The following TCEANC2 variants were observed in gnomAD, a reference collection of about 807,000 sequenced individuals.
TCEANC2 encodes transcription elongation factor A N-terminal and central domain-containing protein 2.
TCEANC2 carries 20 observed loss-of-function variants against 22.8 expected under a neutral mutation model. The observed-to-expected ratio is 0.88, with a 90% CI of 0.62 to 1.28. The LOEUF (loss-of-function observed/expected upper bound fraction) is 1.28. Among genes scored for constraint, TCEANC2 ranks in the 50% most tolerant of loss-of-function variants. The pLI, the probability that TCEANC2 is intolerant of heterozygous loss-of-function variation, is 0.00. For missense variants in TCEANC2, 251 were observed against 249.7 expected (o/e 1.01, Z -0.03); for synonymous variants, 84 against 95.5 (o/e 0.88, Z 0.70).
At chr1:54,073,244 G>A (rs1157800642) in intron 3 of TCEANC2, among the ~76,000 whole-genome samples, 3 of 152,250 alleles carry the variant, frequency 2.0e-5, no homozygotes, top group African/African-American at 7.2e-5. Context: ...TGGGATGAGA[G>A]GCATGAGCCA....
At chr1:54,073,132 A>G (rs912828713) in intron 3 of TCEANC2, among the ~76,000 whole-genome samples, 7 of 151,950 alleles carry the variant, frequency 4.6e-5, no homozygotes, top group Admixed American at 6.6e-5. Context: ...TGCCTGGATC[A>G]TTTGTTTAAT....
chr1:54,102,443 C>A lies in TCEANC2; in HGVS notation c.*5970C>A, dbSNP rs893849765. ...CTACAGGGTTCTGGTAGAGACAGAT[C>A]ATCAGACCATGGATCATCAAGTTGA... On this transcript the variant is annotated 3_prime_UTR_variant, in exon 5 of 5. Coordinates refer to ENST00000234827, the MANE Select transcript of TCEANC2 (RefSeq NM_153035.3). The A allele has an allele frequency of 6.6e-6, 1 of 152,220 alleles. No individual in the cohort carries two copies. The highest frequency in any genetic ancestry group is 2.4e-5 in the African/African-American group (1 of 41,448). The allele number at this position is 152,220 out of a possible 1,614,324, so 9.4% of individuals were successfully genotyped here. A position where few individuals can be genotyped will look rare whatever the true frequency, so the allele number is the denominator to read the frequency against.
intron 2 of TCEANC2, among the ~76,000 whole-genome samples, chr1:54,064,574 G>A (rs551945061): frequency 1.3e-5 from 2 of 150,354 alleles, no homozygotes; most frequent in South Asian, 4.5e-4. Flanking sequence ...AAGTTACAAA[G>A]TTACACCCTA....
At chr1:54,062,528 G>A (rs1657877910) in intron 2 of TCEANC2, among the ~76,000 whole-genome samples, 1 of 152,190 alleles carries the variant, frequency 6.6e-6, no homozygotes, top group Non-Finnish European at 1.5e-5. Context: ...GGGATAGTGA[G>A]ATAAATGAGA....
intron 2 of TCEANC2, 92 bp downstream of exon 2, chr1:54,054,616 T>A: frequency 7.8e-7 from 1 of 1,276,654 alleles, no homozygotes; most frequent in Non-Finnish European, 1.1e-6. Context: ...TATGAATTAT[T>A]TCTTGTTATG....
intron 2 of TCEANC2, among the ~76,000 whole-genome samples, chr1:54,060,124 G>A (rs1215106338): frequency 6.6e-6 from 1 of 151,954 alleles, no homozygotes; most frequent in African/African-American, 2.4e-5. Context: ...AAAAAAATTA[G>A]CAGCCAGGCG....
intron 2 of TCEANC2, among the ~76,000 whole-genome samples, chr1:54,055,908 ATTG>A (rs1657743799): frequency 6.6e-6 from 1 of 152,274 alleles, no homozygotes; most frequent in Admixed American, 6.5e-5. Context: ...AAGGGGTGCT[ATTG>A]TTGTATGGGG....
intron 3 of TCEANC2, among the ~76,000 whole-genome samples, chr1:54,079,848 T>C (rs1010995099): frequency 1.3e-5 from 2 of 152,216 alleles, no homozygotes; most frequent in Non-Finnish European, 2.9e-5. Context: ...CCTCAAATTA[T>C]GCTATGTGTT....
chr1:54,078,413 A>T (rs1425299650), intron 3 of TCEANC2, among the ~76,000 whole-genome samples: 1 of 152,106 alleles, frequency 6.6e-6, no homozygotes, highest in Non-Finnish European at 1.5e-5. Flanking sequence ...GCAGGATGCC[A>T]TTGTGCCCTG....
chr1:54,091,714 T>A (rs2100384220), intron 4 of TCEANC2, among the ~76,000 whole-genome samples: 1 of 152,322 alleles, frequency 6.6e-6, no homozygotes, highest in East Asian at 1.9e-4. Flanking sequence ...CCAGGCTCCA[T>A]TCCCCTTTAC....
At chr1:54,065,931 G>A (rs78929090) in intron 2 of TCEANC2, among the ~76,000 whole-genome samples, 5,527 of 151,720 alleles carry the variant, frequency 0.036, 265 homozygotes, top group East Asian at 0.2. Flanking sequence ...AATTAGCCAG[G>A]TGTGGTGATG....
chr1:54,094,979 T>C (rs1410729996), intron 4 of TCEANC2, among the ~76,000 whole-genome samples: 1 of 151,878 alleles, frequency 6.6e-6, no homozygotes, highest in African/African-American at 2.4e-5. Context: ...TCTCTAAATT[T>C]TTTTTTAATT....
At chr1:54,066,007 A>AG (rs369584642) in intron 2 of TCEANC2, among the ~76,000 whole-genome samples, 2 of 149,732 alleles carry the variant, frequency 1.3e-5, no homozygotes, top group African/African-American at 2.5e-5. Flanking sequence ...GTTGGGGGAG[A>AG]GGGGGGCGGA....
chr1:54,100,510 G>A lies in TCEANC2; in HGVS notation c.*4037G>A, dbSNP rs1658644575. The A allele has an allele frequency of 6.6e-6, 1 of 152,164 alleles. No homozygotes were observed. Among genetic ancestry groups the A allele is most frequent in the South Asian group, 2.1e-4 (1 of 4,826 alleles). The allele number at this position is 152,164 out of a possible 1,614,324, so 9.4% of individuals were successfully genotyped here. On this transcript the variant is annotated 3_prime_UTR_variant, in exon 5 of 5. Transcript: ENST00000234827. Reference sequence around the variant, plus strand: ...ATAGACATGAAAATATTGAGAAGATGGGGAAAGGAATGAATAACACCACTC... The same window carrying A: ...ATAGACATGAAAATATTGAGAAGATAGGGAAAGGAATGAATAACACCACTC...
intron 2 of TCEANC2, among the ~76,000 whole-genome samples, chr1:54,060,916 C>T (rs1258383942): frequency 6.6e-6 from 1 of 151,896 alleles, no homozygotes; most frequent in South Asian, 2.1e-4. Flanking sequence ...CCACTGCACT[C>T]CAGCCTGGGT....
rs1485326494 is a variant in TCEANC2 at position 54,100,815 on chromosome 1, G to A, written c.*4342G>A. 6.6e-6 allele frequency: 1 copy of A among 152,150 alleles called. No individual in the cohort carries two copies. Among genetic ancestry groups the A allele is most frequent in the Non-Finnish European group, 1.5e-5 (1 of 68,034 alleles). 9.4% of individuals were successfully genotyped at this position (152,150 alleles called of 1,614,324 possible). A position where few individuals can be genotyped will look rare whatever the true frequency, so the allele number is the denominator to read the frequency against. ...GATACCATGGGAAGTTTTTGAGGAG[G>A]TGAGGGACCTAATCAGATGTGTGTT... On this transcript the variant is annotated 3_prime_UTR_variant, in exon 5 of 5. Coordinates refer to ENST00000234827, the MANE Select transcript of TCEANC2 (RefSeq NM_153035.3).
chr1:54,086,346 T>C (rs567017605), intron 3 of TCEANC2, among the ~76,000 whole-genome samples: 3 of 152,252 alleles, frequency 2.0e-5, no homozygotes, highest in African/African-American at 7.2e-5. Context: ...ATTACCATGA[T>C]AAACAGAAGC....
At position 54,097,098 on chromosome 1, in the gene TCEANC2, T is replaced by A; in HGVS notation, c.*625T>A. On this transcript the variant is annotated 3_prime_UTR_variant, in exon 5 of 5. Transcript: ENST00000234827. ...ACTAATGAGGAACTGGCCCGAAGCC[T>A]CCCACACCTCAGGGTTTATTTGAAT... The A allele has an allele frequency of 2.0e-6, 1 of 506,544 alleles. No individual in the cohort carries two copies. The highest frequency in any genetic ancestry group is 2.6e-6 in the Non-Finnish European group (1 of 391,930). 31.4% of individuals were successfully genotyped at this position (506,544 alleles called of 1,614,324 possible).
chr1:54,072,616 C>T (rs989328160), intron 3 of TCEANC2, among the ~76,000 whole-genome samples: 1 of 152,006 alleles, frequency 6.6e-6, no homozygotes, highest in African/African-American at 2.4e-5. Flanking sequence ...AGGATGGTCT[C>T]GATCTCTTGA....
Sources: allele counts gnomAD v4.1 joint callset (sites outside exome capture counted in the v4.1 genomes callset), GRCh38; gene constraint gnomAD v4.1.1; transcripts MANE v1.5; gene names NCBI Gene and HGNC (gene_info 2026-07-23, HGNC 2026-07-21).